The following PTPRH variants were observed in gnomAD, a reference collection of about 807,000 sequenced individuals.
PTPRH encodes the protein receptor-type tyrosine-protein phosphatase H.
Under a neutral mutation model 130.2 loss-of-function variants are expected in PTPRH, and 113 were observed. The observed-to-expected ratio is 0.87, with a 90% confidence interval of 0.75 to 1.01. The LOEUF is 1.01. PTPRH is among the 50% of genes least tolerant of loss of function. The pLI is 0.00. For missense variants in PTPRH, 1,430 were observed against 1,425.0 expected (o/e 1.00, Z -0.06); for synonymous variants, 556 against 577.9 (o/e 0.96, Z 0.54).
At chr19:55,204,883 G>A (rs922277077) in intron 4 of PTPRH, among the ~76,000 whole-genome samples, 1 of 152,160 alleles carries the variant, frequency 6.6e-6, no homozygotes, top group African/African-American at 2.4e-5. Context: ...TGTGTGGCTG[G>A]TGGCTACCAT....
At chr19:55,194,709 G>A (rs145411228) in intron 10 of PTPRH, among the ~76,000 whole-genome samples, 1 of 152,118 alleles carries the variant, frequency 6.6e-6, no homozygotes, top group Non-Finnish European at 1.5e-5. Flanking sequence ...AACCCGGGGT[G>A]GGGGGTAGTT....
Position 55,192,024 on chromosome 19 carries a change from A to C in PTPRH, c.2258-283T>G, listed in dbSNP as rs1350389340. 3 of 568,646 alleles carry C rather than the reference A, an allele frequency of 5.3e-6. No individual in the cohort carries two copies. The African/African-American group carries it at 5.6e-5, about 11-fold the overall frequency. 35.2% of individuals were successfully genotyped at this position (568,646 alleles called of 1,614,324 possible). A position where few individuals can be genotyped will look rare whatever the true frequency, so the allele number is the denominator to read the frequency against. ...AGGAGGAAGACCTTTATGATGATCT[A>C]CTTAATAAATAGCGAGTACATTTTC... On this transcript the variant is annotated intron_variant, in intron 10 of 19. Transcript: ENST00000376350.
intron 8 of PTPRH, 66 bp from the exon 9 acceptor site, chr19:55,197,482 C>T (rs2086724857): frequency 2.1e-6 from 3 of 1,438,586 alleles, no homozygotes; most frequent in Non-Finnish European, 2.9e-6. Context: ...GCCTGTCTGC[C>T]TCTCCCCCAC....
rs570322656 is a variant in PTPRH at position 55,200,035 on chromosome 19, G to A, written c.1420+201C>T. Reference sequence around the variant, plus strand: ...GTGTCCCCACAGCCCCACACTCAGCGGGAGAAGTCTGGATGGGCTCTCTTC... The same window carrying A: ...GTGTCCCCACAGCCCCACACTCAGCAGGAGAAGTCTGGATGGGCTCTCTTC... On this transcript the variant is annotated intron_variant, in intron 7 of 19. Coordinates refer to ENST00000376350, the MANE Select transcript of PTPRH (RefSeq NM_002842.5). 3.3e-5 allele frequency among the ~76,000 whole-genome samples: 5 copies of A among 152,288 alleles called. No individual in the cohort carries two copies. The East Asian group carries it at 5.8e-4, about 18-fold the overall frequency.
At chr19:55,193,838 CT>C (rs77529845) in intron 10 of PTPRH, among the ~76,000 whole-genome samples, 10,631 of 145,674 alleles carry the variant, frequency 0.073, 877 homozygotes, top group East Asian at 0.24. Context: ...CTGGTGGTGT[CT>C]TTTTTTTTTT....
Position 55,205,564 on chromosome 19 carries a change from C to A in PTPRH, c.381G>T (p.Val127=). The part of the protein sequence containing the change: ...TAPNPVRNLR[V]EAQTNSSIAL... ...CGATGGAGCTGTTGGTCTGAGCCTC[C>A]ACTCTCAGGTTCCTCACTGGGTTGG... The change falls in exon 4 of 20, where the codon GTG becomes GTT. Residue 127 remains valine (V), a synonymous_variant. Coordinates refer to ENST00000376350, the MANE Select transcript of PTPRH (RefSeq NM_002842.5). 6.2e-7 allele frequency: 1 copy of A among 1,614,228 alleles called. No individual in the cohort carries two copies. The highest frequency in any genetic ancestry group is 8.5e-7 in the Non-Finnish European group (1 of 1,180,042).
intron 7 of PTPRH, 130 bp downstream of exon 7, chr19:55,200,106 G>C: frequency 9.3e-7 from 1 of 1,080,114 alleles, no homozygotes. Context: ...CATCTGTCCT[G>C]TGGACTTGGA....
rs1018472410 is a variant in PTPRH at position 55,196,516 on chromosome 19, G to A, written c.2257+6C>T. 25 of 1,605,856 alleles carry A rather than the reference G, an allele frequency of 1.6e-5. No individual in the cohort carries two copies. Among genetic ancestry groups the A allele is most frequent in the African/African-American group, 8.0e-5 (6 of 74,792 alleles). On this transcript the variant is annotated splice_donor_region_variant and intron_variant, in intron 10 of 19. Transcript: ENST00000376350. ...ATAGCTGGCTGGCCCGCGCGGCTCC[G>A]CTCACCTGCACTCTCGGTGTGGCAG...
chr19:55,192,693 C>A (rs887205402), intron 10 of PTPRH, among the ~76,000 whole-genome samples: 2 of 150,732 alleles, frequency 1.3e-5, no homozygotes, highest in African/African-American at 2.4e-5. Flanking sequence ...CTGGGACTAC[C>A]GGTGCCCGCC....
Position 55,197,260 on chromosome 19 carries a change from G to A in PTPRH, c.1847C>T (p.Ala616Val), listed in dbSNP as rs151237358. 52 of 1,614,100 alleles carry A rather than the reference G, an allele frequency of 3.2e-5. No individual in the cohort carries two copies. Among genetic ancestry groups the A allele is most frequent in the Non-Finnish European group, 4.2e-5 (50 of 1,180,046 alleles). The change falls in exon 9 of 20, where the codon GCG becomes GTG. Residue 616 changes from alanine to valine, a missense_variant. Physicochemically the swap from Ala to Val is moderately conservative, Grantham distance 64. Coordinates refer to ENST00000376350, the MANE Select transcript of PTPRH (RefSeq NM_002842.5). The part of the protein sequence containing the change: ...GHPRRGQDPQ[A>V]NWVNQTSRTN... The stretch of plus-strand genomic sequence containing the variant: ...CCTGCTGGTCTGGTTGACCCAATTC[G>A]CTTGGGGATCTTGCCCCCTCCGGGG...
rs1002069819 is a variant in PTPRH at position 55,204,118 on chromosome 19, TTTTG to T, written c.620-74_620-71del. 2.3e-4 allele frequency: 333 copies of T among 1,463,982 alleles called. 1 individual carries two copies. Among genetic ancestry groups the T allele is most frequent in the Middle Eastern group, 3.8e-4 (2 of 5,330 alleles). The allele number at this position is 1,463,982 out of a possible 1,614,324, so 90.7% of individuals were successfully genotyped here. On this transcript the variant is annotated intron_variant, in intron 4 of 19. Coordinates refer to ENST00000376350, the MANE Select transcript of PTPRH (RefSeq NM_002842.5). ...ACATAACGGGGGCAGCCAGTGAGCT[TTTTG>T]TTTGTTTGTTTTTTCGAGACAGAGT...
In PTPRH at chr19:55,181,823, C is replaced by A. The variant is rs377244518; in HGVS notation, c.3279G>T (p.Pro1093=). The part of the protein sequence containing the change: ...SAQAPAEKEV[P]YEDVENLIYE... Reference sequence around the variant, plus strand: ...AGATGAGGTTTTCGACATCCTCATACGGGACTTCCTTCTCGGCTGGGGCCT... The same window carrying A: ...AGATGAGGTTTTCGACATCCTCATAAGGGACTTCCTTCTCGGCTGGGGCCT... Residue 1093 remains proline, a synonymous_variant, in exon 20 of 20, where the codon CCG becomes CCT. Transcript: ENST00000376350. 1 of 1,614,176 alleles carries A rather than the reference C, an allele frequency of 6.2e-7. No individual in the cohort carries two copies. The highest frequency in any genetic ancestry group is 8.5e-7 in the Non-Finnish European group (1 of 1,180,038).
chr19:55,184,298 C>CAAAT (rs1230443387), intron 18 of PTPRH, among the ~76,000 whole-genome samples: 2 of 150,536 alleles, frequency 1.3e-5, no homozygotes, highest in Non-Finnish European at 3.0e-5. Flanking sequence ...AATAAACAAA[C>CAAAT]AAATAAATAA....
chr19:55,189,749 G>C (rs1268961454), intron 12 of PTPRH: 1 of 455,942 alleles, frequency 2.2e-6, no homozygotes, highest in Non-Finnish European at 4.4e-6. Context: ...GGGAGGCCGA[G>C]GTGGAAGGGC....
Position 55,202,277 on chromosome 19 carries a change from C to T in PTPRH, c.932G>A (p.Ser311Asn). ...GACCTCCCAGGTCAGGGCGATGGAG[C>T]TGTTGGTCTGAGCCTCCACTGTCAG... ...RNLTVEAQTN[S>N]SIALTWEVPD... The change falls in exon 6 of 20, where the codon AGC (serine) becomes AAC (asparagine). Residue 311 changes from serine (S) to asparagine (N), a missense_variant. By Grantham distance (46) the Ser-to-Asn change is conservative (BLOSUM62 1). Coordinates refer to ENST00000376350, the MANE Select transcript of PTPRH (RefSeq NM_002842.5). The T allele has an allele frequency of 6.2e-7, 1 of 1,614,212 alleles. No individual in the cohort carries two copies. Among genetic ancestry groups the T allele is most frequent in the Middle Eastern group, 1.6e-4 (1 of 6,062 alleles).
chr19:55,194,377 T>G, intron 10 of PTPRH: 1 of 1,202,240 alleles, frequency 8.3e-7, no homozygotes, highest in South Asian at 1.5e-5. Context: ...CAGAATGGAC[T>G]TGGCCTCACA....
Position 55,188,679 on chromosome 19 carries a change from G to A in PTPRH, c.2385-511C>T, listed in dbSNP as rs1027926038. Among the ~76,000 whole-genome samples the A allele has an allele frequency of 4.6e-5, 7 of 152,004 alleles. No individual in the cohort carries two copies. In the South Asian group the frequency reaches 6.2e-4, roughly 14 times the overall value. ...CCAGGGAACACCTTTCTCCAAAATC[G>A]TCGTGGCCTCCCTGTCTGTAATTGC... On this transcript the variant is annotated intron_variant, in intron 12 of 19. Transcript: ENST00000376350.
Position 55,198,664 on chromosome 19 carries a change from T to C in PTPRH, c.1669A>G (p.Ser557Gly), listed in dbSNP as rs768156255. The C allele has an allele frequency of 3.7e-6, 6 of 1,608,100 alleles. No individual in the cohort carries two copies. The African/African-American group carries it at 8.0e-5, about 22-fold the overall frequency. Residue 557 changes from serine (S) to glycine (G), a missense_variant, in exon 8 of 20, where the codon AGC becomes GGC. Coordinates refer to ENST00000376350, the MANE Select transcript of PTPRH (RefSeq NM_002842.5). Reference sequence around the variant, plus strand: ...TCACCAGTGGCTGCAGTGAGGGTGCTGTTATAGCCTCTGACCTCATTCCTC... The same window carrying C: ...TCACCAGTGGCTGCAGTGAGGGTGCCGTTATAGCCTCTGACCTCATTCCTC... ...AERNEVRGYN[S>G]TLTAATAPNE... is the part of the protein sequence containing the mutation.
intron 18 of PTPRH, among the ~76,000 whole-genome samples, chr19:55,182,538 A>G (rs2086207856): frequency 6.6e-6 from 1 of 152,006 alleles, no homozygotes; most frequent in Non-Finnish European, 1.5e-5. Flanking sequence ...AACAACAACA[A>G]CAACAACAAC....
Sources: gnomAD v4.1 joint callset for allele counts (sites outside exome capture counted in the v4.1 genomes callset) on GRCh38, gnomAD v4.1.1 for gene constraint, MANE v1.5 for transcripts, NCBI Gene and HGNC (gene_info 2026-07-23, HGNC 2026-07-21) for gene names.